Variants in TAFA2 observed in about 807,000 individuals in gnomAD.
The protein encoded by TAFA2 is chemokine-like protein TAFA-2.
In TAFA2, 7 loss-of-function variants were observed where a neutral mutation model predicts 18.8. The ratio of observed to expected loss-of-function variants is 0.37; its 90% CI spans 0.21 to 0.70. TAFA2 has a LOEUF of 0.70. TAFA2 is among the 30% of genes least tolerant of loss of function. The probability of loss-of-function intolerance (pLI) is 0.53; values close to 1 mark genes in which losing one functional copy is unlikely to be tolerated. For missense variants in TAFA2, 122 were observed against 158.1 expected (o/e 0.77, Z 1.23); for synonymous variants, 60 against 54.2 (o/e 1.11, Z -0.47).
chr12:62,053,123 A>C (rs554142371), intron 1 of TAFA2, among the ~76,000 whole-genome samples: 1 of 152,340 alleles, frequency 6.6e-6, no homozygotes, highest in African/African-American at 2.4e-5. Flanking sequence ...AAGACTTCCA[A>C]AATGAGAGTT....
At chr12:61,731,213 C>G (rs995410888) in intron 4 of TAFA2, among the ~76,000 whole-genome samples, 1 of 151,996 alleles carries the variant, frequency 6.6e-6, no homozygotes, top group Admixed American at 6.6e-5. Flanking sequence ...TTTCAGTTTC[C>G]CCAGTGAACA....
chr12:61,717,124 G>A (rs549373820), intron 4 of TAFA2, among the ~76,000 whole-genome samples: 161 of 152,056 alleles, frequency 1.1e-3, no homozygotes, highest in Middle Eastern at 3.4e-3. Flanking sequence ...TGCTAAATGC[G>A]CAATTAAAAC....
intron 3 of TAFA2, 30 bp from the exon 4 acceptor site, chr12:61,753,776 A>T (rs756881941): frequency 3.8e-6 from 6 of 1,581,090 alleles, no homozygotes; most frequent in South Asian, 3.5e-5. Context: ...TTGACTCAAC[A>T]TTTTTTTCTT....
At chr12:61,982,667 G>C (rs1346597544) in intron 1 of TAFA2, among the ~76,000 whole-genome samples, 1 of 151,756 alleles carries the variant, frequency 6.6e-6, no homozygotes, top group African/African-American at 2.4e-5. Context: ...ATATCCTTTA[G>C]TTCTCAAGTA....
At chr12:62,063,045 A>G (rs74096189) in intron 1 of TAFA2, among the ~76,000 whole-genome samples, 2,062 of 152,152 alleles carry the variant, frequency 0.014, 59 homozygotes, top group African/African-American at 0.047. Flanking sequence ...TAGATAATCT[A>G]GGAAGATCTC....
chr12:61,805,014 A>G (rs967001014), intron 2 of TAFA2, among the ~76,000 whole-genome samples: 1 of 152,030 alleles, frequency 6.6e-6, no homozygotes, highest in East Asian at 1.9e-4. Context: ...CTTATTCATA[A>G]TGAACAACAA....
At chr12:62,149,121 T>C (rs537118071) in intron 1 of TAFA2, among the ~76,000 whole-genome samples, 2 of 152,200 alleles carry the variant, frequency 1.3e-5, no homozygotes, top group African/African-American at 2.4e-5. Flanking sequence ...TGCTTTCAGT[T>C]CCAAGACAAA....
chr12:61,789,086 G>C (rs538585573), intron 2 of TAFA2, among the ~76,000 whole-genome samples: 1 of 151,832 alleles, frequency 6.6e-6, no homozygotes, highest in African/African-American at 2.4e-5. Flanking sequence ...CTCCCATTCT[G>C]TAGGCTGCCT....
At chr12:62,203,951 G>A (rs1383282753) in intron 1 of TAFA2, among the ~76,000 whole-genome samples, 2 of 152,112 alleles carry the variant, frequency 1.3e-5, no homozygotes, top group Admixed American at 6.5e-5. Context: ...GTACTTCAGT[G>A]TGGTTTTGTA....
At chr12:61,745,950 C>A (rs559907564) in intron 4 of TAFA2, among the ~76,000 whole-genome samples, 1 of 151,996 alleles carries the variant, frequency 6.6e-6, no homozygotes, top group African/African-American at 2.4e-5. Context: ...ACTCAACATG[C>A]CATTGCTGGT....
At chr12:62,209,847 T>C (rs925253301) in intron 1 of TAFA2, among the ~76,000 whole-genome samples, 2 of 152,260 alleles carry the variant, frequency 1.3e-5, no homozygotes, top group African/African-American at 4.8e-5. Flanking sequence ...TATCTCATTT[T>C]ATGACTTATA....
intron 1 of TAFA2, among the ~76,000 whole-genome samples, chr12:62,257,184 G>GTGTGTGTGT (rs2062944700): frequency 4.8e-5 from 1 of 20,882 alleles, no homozygotes; most frequent in Non-Finnish European, 1.1e-4. Context: ...GTGTGTGTGT[G>GTGTGTGTGT]TGTGTGTGTG....
chr12:62,069,374 C>T (rs1365242728), intron 1 of TAFA2, among the ~76,000 whole-genome samples: 1 of 152,144 alleles, frequency 6.6e-6, no homozygotes, highest in Non-Finnish European at 1.5e-5. Flanking sequence ...GCATCTAATC[C>T]TCTGCCCTAT....
chr12:61,897,630 G>C (rs563197672), intron 1 of TAFA2, among the ~76,000 whole-genome samples: 1 of 152,198 alleles, frequency 6.6e-6, no homozygotes, highest in South Asian at 2.1e-4. Context: ...CACAAGAACA[G>C]CATAGGGTAA....
chr12:61,871,832 C>A (rs1329113100), intron 1 of TAFA2, among the ~76,000 whole-genome samples: 1 of 152,158 alleles, frequency 6.6e-6, no homozygotes, highest in Admixed American at 6.5e-5. Flanking sequence ...GTTGTTCATG[C>A]CTGTAATCCC....
intron 1 of TAFA2, among the ~76,000 whole-genome samples, chr12:62,185,447 G>C (rs1342942289): frequency 6.6e-6 from 1 of 152,096 alleles, no homozygotes; most frequent in African/African-American, 2.4e-5. Context: ...TACAAACAAA[G>C]CTGGAGAACC....
At chr12:61,984,594 T>G (rs979124297) in intron 1 of TAFA2, among the ~76,000 whole-genome samples, 1 of 152,244 alleles carries the variant, frequency 6.6e-6, no homozygotes, top group Non-Finnish European at 1.5e-5. Flanking sequence ...ATGAGGACTC[T>G]TTGAAGACTT....
At chr12:62,191,096 G>A (rs2062619788) in intron 1 of TAFA2, among the ~76,000 whole-genome samples, 163 bp downstream of exon 1, 1 of 152,192 alleles carries the variant, frequency 6.6e-6, no homozygotes, top group African/African-American at 2.4e-5. Flanking sequence ...ACCCGCATCT[G>A]CCCTCACCTC....
At chr12:62,052,190 ATGCGTGCGTGTGTGCATGTGTG>A (rs1882072917) in intron 1 of TAFA2, among the ~76,000 whole-genome samples, 1 of 51,278 alleles carries the variant, frequency 2.0e-5, no homozygotes, top group African/African-American at 4.9e-5. Flanking sequence ...GCATGTGTGC[ATGCGTGCGTGTGTGCATGTGTG>A]TGTGAGAGAG....
Sources: gnomAD v4.1 joint callset for allele counts (sites outside exome capture counted in the v4.1 genomes callset) on GRCh38, gnomAD v4.1.1 for gene constraint, MANE v1.5 for transcripts, NCBI Gene and HGNC (gene_info 2026-07-23, HGNC 2026-07-21) for gene names.